The following PLA2R1 variants were observed in gnomAD, a reference collection of about 807,000 sequenced individuals.
PLA2R1 encodes the protein secretory phospholipase A2 receptor.
Under a neutral mutation model 195.9 loss-of-function variants are expected in PLA2R1, and 158 were observed. The ratio of observed to expected loss-of-function variants is 0.81; its 90% CI spans 0.71 to 0.92. The LOEUF is 0.92. PLA2R1 is among the 40% of genes least tolerant of loss of function. The probability of loss-of-function intolerance (pLI) is 0.00; values close to 1 mark genes in which losing one functional copy is unlikely to be tolerated. For missense variants in PLA2R1, 1,626 were observed against 1,764.6 expected (o/e 0.92, Z 1.41); for synonymous variants, 586 against 598.2 (o/e 0.98, Z 0.30).
At chr2:159,962,373 G>T (rs1257626468) in intron 20 of PLA2R1, among the ~76,000 whole-genome samples, 4 of 152,182 alleles carry the variant, frequency 2.6e-5, no homozygotes, top group African/African-American at 9.7e-5. Context: ...TCATTAAAAA[G>T]TCAGGAAACA....
chr2:159,964,209 A>G (rs1025329702), intron 20 of PLA2R1, among the ~76,000 whole-genome samples: 1 of 152,168 alleles, frequency 6.6e-6, no homozygotes, highest in African/African-American at 2.4e-5. Context: ...AGGGATAGAG[A>G]ATAGATTAGA....
intron 18 of PLA2R1, 45 bp from the exon 19 acceptor site, chr2:159,969,404 G>C: frequency 1.0e-6 from 1 of 997,072 alleles, no homozygotes; most frequent in South Asian, 1.3e-5. Flanking sequence ...CATTCTGCAT[G>C]TCCAGTCTCC....
intron 11 of PLA2R1, among the ~76,000 whole-genome samples, chr2:160,004,335 T>C (rs922334253): frequency 2.6e-5 from 4 of 152,234 alleles, no homozygotes; most frequent in Non-Finnish European, 4.4e-5. Flanking sequence ...GATTTCATCG[T>C]TGAATTTTAA....
Position 159,949,611 on chromosome 2 carries a change from G to A in PLA2R1, c.3706C>T (p.Pro1236Ser), listed in dbSNP as rs774312127. 6.2e-7 allele frequency: 1 copy of A among 1,611,876 alleles called. No homozygotes were observed. Among genetic ancestry groups the A allele is most frequent in the Non-Finnish European group, 8.5e-7 (1 of 1,178,132 alleles). ...AGTTGAATAGAATTGAACCTACCAGGTGGCACATGACAAATGGCACCTTGC... is the reference window on the plus strand; with the variant it reads ...AGTTGAATAGAATTGAACCTACCAGATGGCACATGACAAATGGCACCTTGC... ...FLQGAICHVP[P>S]ETRQSEHPEL... The change falls in exon 25 of 30, where the codon CCT becomes TCT. Residue 1236 changes from proline to serine, a missense_variant. Pro to Ser is a moderately conservative substitution (Grantham distance 74). Coordinates refer to ENST00000283243, the MANE Select transcript of PLA2R1 (RefSeq NM_007366.5).
At position 159,941,005 on chromosome 2, in the gene PLA2R1, T is replaced by C. The variant is rs568964798; in HGVS notation, c.*773A>G. The C allele has an allele frequency of 2.0e-5, 3 of 152,364 alleles. No individual in the cohort carries two copies. Among genetic ancestry groups the C allele is most frequent in the Non-Finnish European group, 1.5e-5 (1 of 68,026 alleles). 9.4% of individuals were successfully genotyped at this position (152,364 alleles called of 1,614,324 possible). A position where few individuals can be genotyped will look rare whatever the true frequency, so the allele number is the denominator to read the frequency against. On this transcript the variant is annotated 3_prime_UTR_variant, in exon 30 of 30. Coordinates refer to ENST00000283243, the MANE Select transcript of PLA2R1 (RefSeq NM_007366.5). The stretch of plus-strand genomic sequence containing the variant: ...AACAGTACAACTGTTAAAGTTTCAA[T>C]ATATTACTTTAAGCTTATGTATAAG...
chr2:160,031,352 A>G (rs1693837661), intron 4 of PLA2R1, among the ~76,000 whole-genome samples: 1 of 152,256 alleles, frequency 6.6e-6, no homozygotes, highest in South Asian at 2.1e-4. Flanking sequence ...ACTACTATGT[A>G]ACCATTAAAA....
intron 13 of PLA2R1, among the ~76,000 whole-genome samples, chr2:159,980,481 G>C (rs139727490): frequency 6.6e-6 from 1 of 152,218 alleles, no homozygotes; most frequent in African/African-American, 2.4e-5. Flanking sequence ...AAACATTCAT[G>C]TATTCTCTGA....
intron 12 of PLA2R1, among the ~76,000 whole-genome samples, chr2:159,985,695 T>C (rs1051219323): frequency 1.3e-5 from 2 of 151,954 alleles, no homozygotes; most frequent in African/African-American, 4.8e-5. Context: ...ATAAAAACTT[T>C]ATTTGTTGGT....
Position 160,013,172 on chromosome 2 carries a change from T to C in PLA2R1, c.1664+91A>G, listed in dbSNP as rs1179065603. Reference sequence around the variant, plus strand: ...CTTTGATGTATAGCACAATTTAGATTTTGAACAGTTATGATTGTAGCTAGA... The same window carrying C: ...CTTTGATGTATAGCACAATTTAGATCTTGAACAGTTATGATTGTAGCTAGA... On this transcript the variant is annotated intron_variant, in intron 10 of 29. Transcript: ENST00000283243. 7 of 574,310 alleles carry C rather than the reference T, an allele frequency of 1.2e-5. No homozygotes were observed. The South Asian group carries it at 1.5e-4, about 13-fold the overall frequency. The allele number at this position is 574,310 out of a possible 1,614,324, so 35.6% of individuals were successfully genotyped here.
In PLA2R1 at chr2:159,944,234, T is replaced by C. The variant is rs570843699; in HGVS notation, c.4144+672A>G. On this transcript the variant is annotated intron_variant, in intron 28 of 29. Coordinates refer to ENST00000283243, the MANE Select transcript of PLA2R1 (RefSeq NM_007366.5). ...TCCTCCTCTGTTCCAGCTTCTATAA[T>C]TCTCTTCATCCTTTGGGATCCTAAA... is the stretch of plus-strand genomic sequence containing the variant. Among the ~76,000 whole-genome samples, 21 of 152,306 alleles carry C rather than the reference T, an allele frequency of 1.4e-4. No individual in the cohort carries two copies. In the South Asian group the frequency reaches 2.9e-3, roughly 21 times the overall value.
At chr2:160,047,980 C>T (rs1694979596) in intron 1 of PLA2R1, among the ~76,000 whole-genome samples, 1 of 152,148 alleles carries the variant, frequency 6.6e-6, no homozygotes, top group Non-Finnish European at 1.5e-5. Context: ...TGTGTACCAC[C>T]ATGCCTGGCT....
At chr2:160,048,136 A>G (rs1195485533) in intron 1 of PLA2R1, among the ~76,000 whole-genome samples, 1 of 152,218 alleles carries the variant, frequency 6.6e-6, no homozygotes, top group Non-Finnish European at 1.5e-5. Flanking sequence ...CCTGGCCAAT[A>G]ATGCTTTTAA....
At chr2:159,970,320 A>G (rs1689077178) in intron 17 of PLA2R1, 108 bp from the exon 18 acceptor site, 2 of 649,976 alleles carry the variant, frequency 3.1e-6, no homozygotes, top group Non-Finnish European at 5.2e-6. Flanking sequence ...ATTTTACCCA[A>G]TTATCTAAGG....
At chr2:160,004,628 A>C (rs1233498619) in intron 11 of PLA2R1, among the ~76,000 whole-genome samples, 1 of 152,202 alleles carries the variant, frequency 6.6e-6, no homozygotes, top group African/African-American at 2.4e-5. Flanking sequence ...TCTAGATACA[A>C]ACTTAGTAAC....
At chr2:160,039,735 T>A (rs1321766297) in intron 3 of PLA2R1, among the ~76,000 whole-genome samples, 1 of 151,886 alleles carries the variant, frequency 6.6e-6, no homozygotes, top group Non-Finnish European at 1.5e-5. Context: ...ATAAACATGC[T>A]CTCTGCTGGT....
intron 3 of PLA2R1, among the ~76,000 whole-genome samples, chr2:160,036,278 A>G (rs1310320772): frequency 2.6e-5 from 4 of 152,232 alleles, no homozygotes; most frequent in Non-Finnish European, 5.9e-5. Context: ...TTCCAAATGT[A>G]TATCTCCATA....
chr2:160,008,379 A>G (rs1692141023), intron 10 of PLA2R1, among the ~76,000 whole-genome samples: 1 of 152,234 alleles, frequency 6.6e-6, no homozygotes, highest in Admixed American at 6.5e-5. Flanking sequence ...AGTGGAATAG[A>G]CTAGGAATAA....
At position 159,956,532 on chromosome 2, in the gene PLA2R1, G is replaced by A. The variant is rs765634795; in HGVS notation, c.3000C>T (p.Ala1000=). 6.2e-7 allele frequency: 1 copy of A among 1,610,504 alleles called. No homozygotes were observed. The highest frequency in any genetic ancestry group is 8.5e-7 in the Non-Finnish European group (1 of 1,176,744). ...FCAEEGGTLV[A]IESEVEQAFI... is the part of the protein sequence containing the mutation. ...TACCTTGCTCCACCTCACTTTCAAT[G>A]GCGACCAGGGTCCCCCCTTCTTCAG... The change falls in exon 21 of 30, where the codon GCC becomes GCT. Residue 1000 remains alanine (A), a synonymous_variant. Coordinates refer to ENST00000283243, the MANE Select transcript of PLA2R1 (RefSeq NM_007366.5).
chr2:160,047,718 G>T (rs929276761), intron 1 of PLA2R1, among the ~76,000 whole-genome samples: 14 of 152,238 alleles, frequency 9.2e-5, no homozygotes, highest in African/African-American at 3.4e-4. Flanking sequence ...TAATACGAAA[G>T]AGAAAAATAC....
Sources: allele counts gnomAD v4.1 joint callset (sites outside exome capture counted in the v4.1 genomes callset), GRCh38; gene constraint gnomAD v4.1.1; transcripts MANE v1.5; gene names NCBI Gene and HGNC (gene_info 2026-07-23, HGNC 2026-07-21).